COL4A1: variants seen among roughly 807,000 people sequenced by gnomAD.
The protein encoded by COL4A1 is collagen alpha-1(IV) chain.
COL4A1 carries 40 observed loss-of-function variants against 216.6 expected under a neutral mutation model. The ratio of observed to expected loss-of-function variants is 0.18; its 90% CI spans 0.14 to 0.24. The LOEUF (loss-of-function observed/expected upper bound fraction) is 0.24, where lower values mean the gene tolerates loss of function less well. Among genes scored for constraint, COL4A1 ranks in the 10% least tolerant of loss-of-function variants. COL4A1 has a pLI of 1.00. For synonymous variants in COL4A1, 839 were observed against 810.7 expected (o/e 1.03, Z -0.59); for missense variants, 1,628 against 2,196.8 (o/e 0.74, Z 5.18).
chr13:110,270,442 G>A (rs955939910), intron 1 of COL4A1, among the ~76,000 whole-genome samples: 5 of 152,246 alleles, frequency 3.3e-5, no homozygotes, highest in African/African-American at 1.2e-4. Context: ...AAATGGGTAA[G>A]AAAAGGAGAT....
chr13:110,152,362 C>T lies in COL4A1; in HGVS notation c.4900G>A (p.Ala1634Thr), dbSNP rs149495996. The T allele has an allele frequency of 6.8e-6, 11 of 1,614,128 alleles. No individual in the cohort carries two copies. Among genetic ancestry groups the T allele is most frequent in the African/African-American group, 1.3e-5 (1 of 75,020 alleles). ...YYANAYSFWL[A>T]TIERSEMFKK... ...AACATCTCGCTCCTCTCTATGGTGG[C>T]GAGCCAAAAGCTGTAAGCGTTTGCG... Residue 1634 changes from alanine to threonine, a missense_variant, in exon 51 of 52, where the codon GCC becomes ACC. Transcript: ENST00000375820.
rs977025498 is a variant in COL4A1, at chr13:110,223,377, C to A, written c.145-9362G>T. ...TCCATTCTCCTGAGTTTTGCCAATTCTAAAAGAAAAAAAAATCTATCCAGT... is the reference window on the plus strand; with the variant it reads ...TCCATTCTCCTGAGTTTTGCCAATTATAAAAGAAAAAAAAATCTATCCAGT... On this transcript the variant is annotated intron_variant, in intron 2 of 51. Coordinates refer to ENST00000375820, the MANE Select transcript of COL4A1 (RefSeq NM_001845.6). Among the ~76,000 whole-genome samples, 4 of 151,754 alleles carry A rather than the reference C, an allele frequency of 2.6e-5. No homozygotes were observed. In the South Asian group the frequency reaches 8.3e-4, roughly 32 times the overall value.
At position 110,183,006 on chromosome 13, in the gene COL4A1, G is replaced by C; in HGVS notation, c.2082C>G (p.Pro694=). Residue 694 remains proline, a synonymous_variant, in exon 28 of 52, where the codon CCC becomes CCG. Coordinates refer to ENST00000375820, the MANE Select transcript of COL4A1 (RefSeq NM_001845.6). ...VGQPGIGFPG[P]PGPKGVDGLP... is the part of the protein sequence containing the mutation. Reference sequence around the variant, plus strand: ...TGGCAGGGTTACCTTTGGGGCCGGGGGGCCCTGGAAATCCAATGCCTGGCT... The same window carrying C: ...TGGCAGGGTTACCTTTGGGGCCGGGCGGCCCTGGAAATCCAATGCCTGGCT... 1 of 1,612,714 alleles carries C rather than the reference G, an allele frequency of 6.2e-7. No homozygotes were observed. The highest frequency in any genetic ancestry group is 8.5e-7 in the Non-Finnish European group (1 of 1,179,730).
intron 2 of COL4A1, among the ~76,000 whole-genome samples, chr13:110,226,060 AGCT>A (rs753340055): frequency 2.4e-4 from 36 of 152,374 alleles, no homozygotes; most frequent in Non-Finnish European, 2.6e-4. Context: ...CCAACAAGCC[AGCT>A]GCATTTCCTC....
intron 1 of COL4A1, among the ~76,000 whole-genome samples, chr13:110,264,256 G>A (rs1250585332): frequency 6.6e-6 from 1 of 152,206 alleles, no homozygotes; most frequent in Non-Finnish European, 1.5e-5. Flanking sequence ...ACTTTAAGGA[G>A]TTGCAGACCT....
intron 1 of COL4A1, among the ~76,000 whole-genome samples, chr13:110,283,444 G>A (rs1350410304): frequency 6.6e-6 from 1 of 152,220 alleles, no homozygotes; most frequent in Non-Finnish European, 1.5e-5. Flanking sequence ...AACTCACTAA[G>A]AACAGCAAGA....
chr13:110,167,593 G>A (rs551178596), intron 43 of COL4A1, among the ~76,000 whole-genome samples: 1 of 152,290 alleles, frequency 6.6e-6, no homozygotes, highest in South Asian at 2.1e-4. Context: ...TAGCCATCCA[G>A]CACCAGCCAA....
At chr13:110,269,569 A>G (rs1166022179) in intron 1 of COL4A1, among the ~76,000 whole-genome samples, 1 of 152,098 alleles carries the variant, frequency 6.6e-6, no homozygotes, top group Non-Finnish European at 1.5e-5. Context: ...TGCACCTGGA[A>G]CACACTAGGC....
At chr13:110,270,629 G>C (rs1594106303) in intron 1 of COL4A1, among the ~76,000 whole-genome samples, 1 of 152,060 alleles carries the variant, frequency 6.6e-6, no homozygotes, top group Admixed American at 6.5e-5. Context: ...CGAGGTCTCT[G>C]ACCTCCCAGG....
intron 1 of COL4A1, among the ~76,000 whole-genome samples, chr13:110,278,485 A>G (rs1039239373): frequency 2.6e-5 from 4 of 152,194 alleles, no homozygotes; most frequent in African/African-American, 9.7e-5. Flanking sequence ...AGCACTTCCT[A>G]GACATTTCTT....
chr13:110,203,925 G>A (rs1879366629), intron 17 of COL4A1, among the ~76,000 whole-genome samples: 1 of 152,120 alleles, frequency 6.6e-6, no homozygotes, highest in Admixed American at 6.5e-5. Context: ...ATTGATGAGC[G>A]GAACTGGCAA....
rs770432288 is a variant in COL4A1, at chr13:110,176,608, C to T, written c.2968+18G>A. 9.3e-6 allele frequency: 15 copies of T among 1,611,000 alleles called. No individual in the cohort carries two copies. The highest frequency in any genetic ancestry group is 4.5e-5 in the East Asian group (2 of 44,856). On this transcript the variant is annotated intron_variant, in intron 35 of 51. Transcript: ENST00000375820. ...CCTGAGCCCTTGCCACACTGGGGAC[C>T]GGAGCTCCACACTGTACCTGGCTGC... is the stretch of plus-strand genomic sequence containing the variant.
chr13:110,227,316 T>C (rs971649581), intron 2 of COL4A1, among the ~76,000 whole-genome samples: 2 of 151,874 alleles, frequency 1.3e-5, no homozygotes, highest in Non-Finnish European at 2.9e-5. Flanking sequence ...CATGTTACAC[T>C]TTCCCACGTA....
chr13:110,174,339 A>G (rs916278050), intron 39 of COL4A1, 107 bp downstream of exon 39: 1 of 1,219,362 alleles, frequency 8.2e-7, no homozygotes, highest in Non-Finnish European at 1.2e-6. Flanking sequence ...GAGACAGGAC[A>G]GCTGGCCTCC....
chr13:110,273,759 A>G (rs1023633941), intron 1 of COL4A1, among the ~76,000 whole-genome samples: 3 of 152,246 alleles, frequency 2.0e-5, no homozygotes, highest in African/African-American at 7.2e-5. Flanking sequence ...CCCAGTGTCC[A>G]TCAGTGCTGC....
At chr13:110,278,852 T>C (rs974053043) in intron 1 of COL4A1, among the ~76,000 whole-genome samples, 5 of 152,200 alleles carry the variant, frequency 3.3e-5, no homozygotes, top group African/African-American at 1.2e-4. Context: ...ACATATATGC[T>C]ACCTTAGATG....
At chr13:110,165,174 T>A (rs924385178) in intron 45 of COL4A1, among the ~76,000 whole-genome samples, 184 bp from the exon 46 acceptor site, 1 of 152,178 alleles carries the variant, frequency 6.6e-6, no homozygotes, top group Admixed American at 6.5e-5. Context: ...TCTTTATTAT[T>A]TAACCTGAAA....
At chr13:110,255,118 C>A (rs769204520) in intron 1 of COL4A1, among the ~76,000 whole-genome samples, 1 of 152,210 alleles carries the variant, frequency 6.6e-6, no homozygotes, top group Non-Finnish European at 1.5e-5. Flanking sequence ...GCCCAGGTGT[C>A]GGCTTCAGCC....
At chr13:110,230,109 C>T (rs1237592530) in intron 2 of COL4A1, among the ~76,000 whole-genome samples, 2 of 90,190 alleles carry the variant, frequency 2.2e-5, no homozygotes, top group African/African-American at 9.2e-5. Context: ...AGGAGGGCTC[C>T]ATTCAGGCCA....
Sources: gnomAD v4.1 joint callset for allele counts (sites outside exome capture counted in the v4.1 genomes callset) on GRCh38, gnomAD v4.1.1 for gene constraint, MANE v1.5 for transcripts, NCBI Gene and HGNC (gene_info 2026-07-23, HGNC 2026-07-21) for gene names.